The following STXBP5L variants were observed in gnomAD, a reference collection of about 807,000 sequenced individuals.
STXBP5L encodes the protein syntaxin-binding protein 5-like.
In STXBP5L, 65 loss-of-function variants were observed where a neutral mutation model predicts 144.5. The observed-to-expected ratio is 0.45, with a 90% CI of 0.37 to 0.55. STXBP5L has a LOEUF of 0.55. STXBP5L is among the 20% of genes least tolerant of loss of function. The pLI is 0.00. For missense variants in STXBP5L, 1,298 were observed against 1,405.5 expected, an observed-to-expected ratio of 0.92 and a Z score of 1.22; for synonymous variants, 505 against 469.6, an observed-to-expected ratio of 1.08 and a Z score of -0.97.
intron 9 of STXBP5L, among the ~76,000 whole-genome samples, chr3:121,161,539 C>T (rs1249109151): frequency 2.6e-5 from 4 of 151,842 alleles, no homozygotes; most frequent in Admixed American, 1.3e-4. Context: ...GTTAAGGGTT[C>T]TACCAAGATT....
intron 20 of STXBP5L, among the ~76,000 whole-genome samples, chr3:121,354,917 T>C (rs1399397631): frequency 6.6e-6 from 1 of 152,216 alleles, no homozygotes; most frequent in South Asian, 2.1e-4. Flanking sequence ...CATTTGCTTG[T>C]CTGTAAAGGA....
intron 5 of STXBP5L, among the ~76,000 whole-genome samples, chr3:121,094,933 G>A (rs1451689943): frequency 6.6e-6 from 1 of 151,990 alleles, no homozygotes; most frequent in Non-Finnish European, 1.5e-5. Context: ...TCCATGTTTA[G>A]TGCTTCCTTC....
intron 5 of STXBP5L, among the ~76,000 whole-genome samples, chr3:121,086,326 A>G (rs545517715): frequency 6.6e-6 from 1 of 152,256 alleles, no homozygotes; most frequent in South Asian, 2.1e-4. Context: ...AAAGATTACA[A>G]TAAGGCATGA....
intron 5 of STXBP5L, among the ~76,000 whole-genome samples, chr3:121,083,210 A>T (rs186382791): frequency 4.6e-5 from 7 of 151,980 alleles, no homozygotes; most frequent in African/African-American, 1.7e-4. Flanking sequence ...AAAAACAACC[A>T]AAAAAACAAA....
At chr3:120,972,780 G>A (rs1296807061) in intron 3 of STXBP5L, among the ~76,000 whole-genome samples, 11 of 151,854 alleles carry the variant, frequency 7.2e-5, no homozygotes, top group Admixed American at 6.6e-4. Flanking sequence ...ATCATGAAGG[G>A]GTCCTGGATA....
At chr3:121,048,442 C>T (rs774821372) in intron 5 of STXBP5L, among the ~76,000 whole-genome samples, 1 of 152,080 alleles carries the variant, frequency 6.6e-6, no homozygotes, top group Non-Finnish European at 1.5e-5. Context: ...AATATATTTT[C>T]CAAGTTGCTT....
intron 3 of STXBP5L, among the ~76,000 whole-genome samples, chr3:120,963,804 A>G (rs1939190794): frequency 6.6e-6 from 1 of 152,076 alleles, no homozygotes; most frequent in Non-Finnish European, 1.5e-5. Context: ...ATTTGGGAGG[A>G]TTTCCTCTTT....
At chr3:121,024,974 T>C (rs1481608697) in intron 3 of STXBP5L, among the ~76,000 whole-genome samples, 1 of 152,210 alleles carries the variant, frequency 6.6e-6, no homozygotes, top group Non-Finnish European at 1.5e-5. Flanking sequence ...TATAACAGAA[T>C]GTTAAAATGA....
intron 18 of STXBP5L, among the ~76,000 whole-genome samples, chr3:121,264,363 TG>T (rs2108400195): frequency 6.6e-6 from 1 of 152,242 alleles, no homozygotes; most frequent in African/African-American, 2.4e-5. Context: ...ACAAGTTATA[TG>T]TTTCCAAAAT....
At chr3:121,164,130 C>T (rs1245408365) in intron 9 of STXBP5L, among the ~76,000 whole-genome samples, 1 of 152,092 alleles carries the variant, frequency 6.6e-6, no homozygotes, top group Non-Finnish European at 1.5e-5. Context: ...TCCTTCATCC[C>T]TAGGAAATCA....
chr3:121,090,467 C>A (rs1359114298), intron 5 of STXBP5L, among the ~76,000 whole-genome samples: 1 of 152,076 alleles, frequency 6.6e-6, no homozygotes, highest in Non-Finnish European at 1.5e-5. Flanking sequence ...AATATTTTAT[C>A]CATATAGATG....
chr3:121,388,940 G>T (rs1308584052), intron 22 of STXBP5L, among the ~76,000 whole-genome samples: 1 of 152,128 alleles, frequency 6.6e-6, no homozygotes, highest in East Asian at 1.9e-4. Context: ...TTTTTCTATT[G>T]ATTGGAATAC....
rs182191500 is a variant in STXBP5L at position 121,200,482 on chromosome 3, G to A, written c.878-5441G>A. 4.0e-3 allele frequency among the ~76,000 whole-genome samples: 607 copies of A among 152,204 alleles called. 1 individual carries two copies. Among genetic ancestry groups the A allele is most frequent in the African/African-American group, 0.013 (558 of 41,530 alleles). On this transcript the variant is annotated intron_variant, in intron 9 of 26. Transcript: ENST00000471454. ...GTTTCTCATGTCTCTGTCTCCTTCA[G>A]TTCCACTCTGAACTTAGTTATTTCT...
chr3:120,975,107 G>A (rs1940796345), intron 3 of STXBP5L, among the ~76,000 whole-genome samples: 3 of 152,126 alleles, frequency 2.0e-5, no homozygotes, highest in South Asian at 4.1e-4. Context: ...GATGGGGATG[G>A]CATTGAATCT....
intron 5 of STXBP5L, among the ~76,000 whole-genome samples, chr3:121,092,629 G>A (rs868416339): frequency 9.8e-5 from 15 of 152,320 alleles, no homozygotes; most frequent in Middle Eastern, 6.8e-3. Context: ...TTTGCATCCT[G>A]AGACTTTGCT....
chr3:121,180,949 AAAG>A (rs1279096333), intron 9 of STXBP5L, among the ~76,000 whole-genome samples: 5 of 151,778 alleles, frequency 3.3e-5, no homozygotes, highest in Admixed American at 6.6e-5. Context: ...AGAGAAGAGA[AAAG>A]AAGCAGAGGG....
intron 19 of STXBP5L, among the ~76,000 whole-genome samples, chr3:121,307,564 T>C (rs1202188156): frequency 1.3e-5 from 2 of 152,050 alleles, no homozygotes; most frequent in African/African-American, 4.8e-5. Flanking sequence ...AACAGTAGAT[T>C]TGAACTAGCA....
At chr3:120,990,358 A>G (rs1316224717) in intron 3 of STXBP5L, among the ~76,000 whole-genome samples, 2 of 152,224 alleles carry the variant, frequency 1.3e-5, no homozygotes, top group African/African-American at 2.4e-5. Flanking sequence ...GGAAGAATCA[A>G]TATCGTGAAA....
chr3:121,062,698 G>A (rs2041344076), intron 5 of STXBP5L, among the ~76,000 whole-genome samples: 1 of 152,088 alleles, frequency 6.6e-6, no homozygotes, highest in Non-Finnish European at 1.5e-5. Flanking sequence ...TGGAGGTTTT[G>A]TTCATTCCTT....
Sources: allele counts gnomAD v4.1 joint callset (sites outside exome capture counted in the v4.1 genomes callset), GRCh38; gene constraint gnomAD v4.1.1; transcripts MANE v1.5; gene names NCBI Gene and HGNC (gene_info 2026-07-23, HGNC 2026-07-21).